Variants in MEF2D observed in about 807,000 individuals in gnomAD.
MEF2D encodes the protein myocyte-specific enhancer factor 2D.
MEF2D carries 10 observed loss-of-function variants against 59.3 expected under a neutral mutation model. The ratio of observed to expected loss-of-function variants is 0.17; its 90% CI spans 0.10 to 0.29. The LOEUF (loss-of-function observed/expected upper bound fraction) is 0.29, where lower values mean the gene tolerates loss of function less well. MEF2D is among the 10% of genes least tolerant of loss of function. MEF2D has a pLI of 1.00. For synonymous variants in MEF2D, 305 were observed against 295.0 expected (o/e 1.03, Z -0.35); for missense variants, 508 against 699.4 (o/e 0.73, Z 3.09).
At chr1:156,497,997 G>A (rs2102294025) in intron 1 of MEF2D, among the ~76,000 whole-genome samples, 1 of 149,608 alleles carries the variant, frequency 6.7e-6, no homozygotes, top group East Asian at 2.0e-4. Context: ...CGGGGGCCAA[G>A]GCACCTCCCA....
chr1:156,480,064 C>A (rs886745663), intron 4 of MEF2D, among the ~76,000 whole-genome samples: 1 of 152,104 alleles, frequency 6.6e-6, no homozygotes, highest in African/African-American at 2.4e-5. Flanking sequence ...GCAGACAGGA[C>A]CAGGGACACC....
In MEF2D at chr1:156,465,179, AGAGT is replaced by A. The variant is rs900504582; in HGVS notation, c.*2462_*2465del. ...CCACCCAGTCAGCGGATTGGGGTTA[AGAGT>A]GAGTAAGTGATCACTGCTCAGCTGA... On this transcript the variant is annotated 3_prime_UTR_variant, in exon 12 of 12. Coordinates refer to ENST00000348159, the MANE Select transcript of MEF2D (RefSeq NM_005920.4). 1 of 152,362 alleles carries A rather than the reference AGAGT, an allele frequency of 6.6e-6. No homozygotes were observed. The highest frequency in any genetic ancestry group is 2.4e-5 in the African/African-American group (1 of 41,462). The allele number at this position is 152,362 out of a possible 1,614,324, so 9.4% of individuals were successfully genotyped here.
chr1:156,491,405 G>A (rs1475814991), intron 1 of MEF2D, among the ~76,000 whole-genome samples: 1 of 152,200 alleles, frequency 6.6e-6, no homozygotes, highest in East Asian at 1.9e-4. Flanking sequence ...TGAAGAGATG[G>A]CCTGGCTGGG....
At position 156,475,235 on chromosome 1, in the gene MEF2D, G is replaced by C. The variant is rs1314238834; in HGVS notation, c.879C>G (p.Asn293Lys). 1 of 1,604,426 alleles carries C rather than the reference G, an allele frequency of 6.2e-7. No individual in the cohort carries two copies. The highest frequency in any genetic ancestry group is 1.3e-5 in the African/African-American group (1 of 74,590). ...HHLTEDHLDL[N>K]NAQRLGVSQS... ...GGGAGACCCCAAGGCGCTGGGCATT[G>C]TTCTGTAGGAGAAAACTGTCCGTCA... Residue 293 changes from asparagine to lysine, a missense_variant and splice_region_variant, in exon 9 of 12, where the codon AAC becomes AAG. Asn to Lys is a moderately conservative substitution (Grantham distance 94). Transcript: ENST00000348159.
At chr1:156,479,838 C>T (rs1217077123) in intron 4 of MEF2D, 42 bp from the exon 5 acceptor site, 1 of 1,538,732 alleles carries the variant, frequency 6.5e-7, no homozygotes, top group African/African-American at 1.4e-5. Context: ...CCAGGTTGAC[C>T]CCTTCCATGG....
intron 1 of MEF2D, among the ~76,000 whole-genome samples, chr1:156,494,002 G>A (rs1399247748): frequency 6.6e-6 from 1 of 152,176 alleles, no homozygotes; most frequent in Non-Finnish European, 1.5e-5. Flanking sequence ...CAGCATAGAG[G>A]AGGCAGTGGT....
intron 9 of MEF2D, among the ~76,000 whole-genome samples, chr1:156,471,348 C>A (rs1016711758): frequency 2.6e-5 from 4 of 152,180 alleles, no homozygotes; most frequent in Non-Finnish European, 4.4e-5. Flanking sequence ...TCAGGCTGGT[C>A]TTGAACTCCT....
chr1:156,496,374 G>C (rs187943111), intron 1 of MEF2D, among the ~76,000 whole-genome samples: 1 of 152,168 alleles, frequency 6.6e-6, no homozygotes, highest in African/African-American at 2.4e-5. Context: ...GGCCCAAGAG[G>C]AGGGACCCGG....
chr1:156,475,016 T>C lies in MEF2D; in HGVS notation c.1006+92A>G, dbSNP rs983301510. ...CCAAATCAGTAGCCCTCCTCAGATG[T>C]GGCCTGTCCAGGGGATAACTAGCAT... On this transcript the variant is annotated intron_variant, in intron 9 of 11. Transcript: ENST00000348159. The C allele has an allele frequency of 7.0e-6, 11 of 1,576,418 alleles. No homozygotes were observed. In the African/African-American group the frequency reaches 1.4e-4, roughly 19 times the overall value.
In MEF2D at chr1:156,468,114, T is replaced by C. The variant is rs1258154583; in HGVS notation, c.1433A>G (p.Tyr478Cys). The C allele has an allele frequency of 3.7e-6, 6 of 1,613,882 alleles. No individual in the cohort carries two copies. Among genetic ancestry groups the C allele is most frequent in the East Asian group, 2.2e-5 (1 of 44,840 alleles). ...TCCGTCATCCCGGTCTCCCGTCTCA[T>C]AGGATCCCCCGGCTGGGCTGCTGAG... Reference protein sequence around the residue: ...DGLSSPAGGSYETGDRDDGRG... With the variant: ...DGLSSPAGGSCETGDRDDGRG... The change falls in exon 11 of 12, where the codon TAT becomes TGT. Residue 478 changes from tyrosine to cysteine, a missense_variant. By Grantham distance (194) the Tyr-to-Cys change is radical. Coordinates refer to ENST00000348159, the MANE Select transcript of MEF2D (RefSeq NM_005920.4). The surrounding 1 kb of genome is among the most constrained non-coding windows in gnomAD (Gnocchi z 4.3).
rs1178748125 is a variant in MEF2D at position 156,500,713 on chromosome 1, G to C, written c.-366C>G. ...AGCGGGGAACCGGGGCCGAGCGCCT[G>C]AGCCGCCTCGGCTGTTGTTGATATT... On this transcript the variant is annotated 5_prime_UTR_variant, in exon 1 of 12. Transcript: ENST00000348159. 1 of 152,092 alleles carries C rather than the reference G, an allele frequency of 6.6e-6. No homozygotes were observed. Among genetic ancestry groups the C allele is most frequent in the African/African-American group, 2.4e-5 (1 of 41,414 alleles). The allele number at this position is 152,092 out of a possible 1,614,324, so 9.4% of individuals were successfully genotyped here.
At chr1:156,479,213 T>G (rs971024296) in intron 6 of MEF2D, 77 bp downstream of exon 6, 1 of 1,279,946 alleles carries the variant, frequency 7.8e-7, no homozygotes. Flanking sequence ...TCTAGGTCGT[T>G]CCTGATCCTT....
At position 156,465,617 on chromosome 1, in the gene MEF2D, C is replaced by CA. The variant is rs1557870863; in HGVS notation, c.*2027dup. On this transcript the variant is annotated 3_prime_UTR_variant, in exon 12 of 12. Coordinates refer to ENST00000348159, the MANE Select transcript of MEF2D (RefSeq NM_005920.4). Reference sequence around the variant, plus strand: ...ACACCCAGCCAGGGTCAGAGACACACAGAGGCACACCCGTGCAACCACACA... The same window carrying CA: ...ACACCCAGCCAGGGTCAGAGACACACAAGAGGCACACCCGTGCAACCACACA... The CA allele has an allele frequency of 6.6e-6, 1 of 152,664 alleles. No individual in the cohort carries two copies. Among genetic ancestry groups the CA allele is most frequent in the African/African-American group, 2.4e-5 (1 of 41,386 alleles). 9.5% of individuals were successfully genotyped at this position (152,664 alleles called of 1,614,324 possible).
At chr1:156,484,301 G>C (rs1357593957) in intron 1 of MEF2D, 2 of 152,240 alleles carry the variant, frequency 1.3e-5, no homozygotes, top group Non-Finnish European at 2.9e-5. Context: ...TTTTGGGCCA[G>C]ATAGTAATAT....
rs1411154805 is a variant in MEF2D at position 156,476,494 on chromosome 1, C to T, written c.876G>A (p.Leu292=). 1.7e-5 allele frequency: 28 copies of T among 1,611,986 alleles called. No individual in the cohort carries two copies. Among genetic ancestry groups the T allele is most frequent in the Non-Finnish European group, 2.4e-5 (28 of 1,179,144 alleles). Residue 292 remains leucine (L), a splice_region_variant and synonymous_variant, in exon 8 of 12, where the codon CTG becomes CTA. Coordinates refer to ENST00000348159, the MANE Select transcript of MEF2D (RefSeq NM_005920.4). ...GCAAAGAGCTCACAGCCTCACTTAC[C>T]AGATCTAAATGGTCCTCAGTCTGAG... The part of the protein sequence containing the change: ...MHHLTEDHLD[L]NNAQRLGVSQ...
intron 1 of MEF2D, among the ~76,000 whole-genome samples, chr1:156,489,939 C>T (rs1672651308): frequency 6.6e-6 from 1 of 152,196 alleles, no homozygotes; most frequent in Non-Finnish European, 1.5e-5. Flanking sequence ...CTTCCAACTT[C>T]AGCCCTGGGA....
At chr1:156,493,835 C>A (rs774424862) in intron 1 of MEF2D, among the ~76,000 whole-genome samples, 1 of 152,098 alleles carries the variant, frequency 6.6e-6, no homozygotes, top group Non-Finnish European at 1.5e-5. Context: ...CCCCACCCCT[C>A]AGAACAGGTG....
In MEF2D at chr1:156,466,777, A is replaced by T. The variant is rs1205236765; in HGVS notation, c.*868T>A. 6.6e-6 allele frequency: 1 copy of T among 152,552 alleles called. No individual in the cohort carries two copies. Among genetic ancestry groups the T allele is most frequent in the Admixed American group, 6.5e-5 (1 of 15,270 alleles). 9.4% of individuals were successfully genotyped at this position (152,552 alleles called of 1,614,324 possible). A position where few individuals can be genotyped will look rare whatever the true frequency, so the allele number is the denominator to read the frequency against. ...GGCTGGCGTCAACTGAGGGGTGGGG[A>T]GCTATTGCACTGTATATCTTAGAGA... On this transcript the variant is annotated 3_prime_UTR_variant, in exon 12 of 12. Coordinates refer to ENST00000348159, the MANE Select transcript of MEF2D (RefSeq NM_005920.4).
intron 7 of MEF2D, 41 bp downstream of exon 7, chr1:156,476,971 C>T: frequency 6.2e-7 from 1 of 1,610,558 alleles, no homozygotes; most frequent in African/African-American, 1.3e-5. Context: ...CCCTACTCTT[C>T]CATTCCCCAG....
Sources: gnomAD v4.1 joint callset for allele counts (sites outside exome capture counted in the v4.1 genomes callset) on GRCh38, gnomAD v4.1.1 for gene constraint, Gnocchi (gnomAD v3.1) non-coding constraint, MANE v1.5 for transcripts, NCBI Gene and HGNC (gene_info 2026-07-23, HGNC 2026-07-21) for gene names.